Variants in KIF6 observed in about 807,000 individuals in gnomAD.
The protein encoded by KIF6 is kinesin family member 6, also known as kinesin-like protein KIF6.
In KIF6, 106 loss-of-function variants were observed where a neutral mutation model predicts 112.7. That is an observed-to-expected ratio of 0.94 (90% CI 0.80 to 1.11). The LOEUF (loss-of-function observed/expected upper bound fraction) is 1.11. Among genes scored for constraint, KIF6 ranks in the 50% least tolerant of loss-of-function variants. The pLI is 0.00. For missense variants in KIF6, 929 were observed against 964.0 expected (o/e 0.96, Z 0.48); for synonymous variants, 339 against 339.9 (o/e 1.00, Z 0.03).
chr6:39,455,995 G>A (rs1450403993), intron 13 of KIF6, among the ~76,000 whole-genome samples: 97 of 84,138 alleles, frequency 1.2e-3, no homozygotes, highest in African/African-American at 4.3e-3. Flanking sequence ...GCAGGCCAAC[G>A]TTCAGATTCA....
intron 3 of KIF6, among the ~76,000 whole-genome samples, chr6:39,649,749 GAAAGAAAGAAAGAAAGAAAGAAAGA>G (rs869098067): frequency 1.1e-4 from 16 of 150,748 alleles, no homozygotes; most frequent in South Asian, 6.4e-4. Context: ...AAGAAAGAAA[GAAAGAAAGAAAGAAAGAAAGAAAGA>G]AAAGAAACTA....
intron 13 of KIF6, among the ~76,000 whole-genome samples, chr6:39,434,624 G>A (rs535806005): frequency 2.6e-5 from 4 of 151,892 alleles, no homozygotes; most frequent in Non-Finnish European, 5.9e-5. Flanking sequence ...CAAGAAAAGT[G>A]AACAAATATT....
chr6:39,351,092 G>C (rs1364757122), intron 19 of KIF6, among the ~76,000 whole-genome samples: 3 of 152,168 alleles, frequency 2.0e-5, no homozygotes, highest in Admixed American at 6.5e-5. Context: ...GGTGGGGGTG[G>C]GGACTCTGGG....
At chr6:39,596,336 A>G in intron 6 of KIF6, 76 bp from the exon 7 acceptor site, 1 of 1,013,388 alleles carries the variant, frequency 9.9e-7, no homozygotes, top group East Asian at 2.6e-5. Flanking sequence ...TTAAAATAAT[A>G]TTTCTAGTGA....
At chr6:39,465,835 C>T (rs1773750877) in intron 13 of KIF6, among the ~76,000 whole-genome samples, 1 of 152,190 alleles carries the variant, frequency 6.6e-6, no homozygotes, top group Non-Finnish European at 1.5e-5. Flanking sequence ...TTGCATGCCT[C>T]TGTTCTTTTT....
chr6:39,399,405 G>A (rs1362564730), intron 15 of KIF6, among the ~76,000 whole-genome samples: 6 of 152,266 alleles, frequency 3.9e-5, no homozygotes, highest in East Asian at 1.9e-4. Context: ...TGTACTGAGT[G>A]AGCTGAGCCG....
chr6:39,544,653 A>T lies in KIF6; in HGVS notation c.1328T>A (p.Val443Asp). Residue 443 changes from valine to aspartate, a missense_variant, in exon 12 of 23, where the codon GTC (valine) becomes GAC (aspartate). By Grantham distance (152) the Val-to-Asp change is radical. Around this residue, in one of 2 missense-constraint regions of KIF6, gnomAD observed 688 missense variants for 662.7 expected, o/e 1.04. Transcript: ENST00000287152. The part of the protein sequence containing the change: ...NDKKILENNT[V>D]SSESKDQDCQ... ...ATCTTGGTCTTTGCTTTCAGAGGAGACTGTATTGTTTTCAAGGATCTTCTT... is the reference window on the plus strand; with the variant it reads ...ATCTTGGTCTTTGCTTTCAGAGGAGTCTGTATTGTTTTCAAGGATCTTCTT... 1 of 1,609,318 alleles carries T rather than the reference A, an allele frequency of 6.2e-7. No individual in the cohort carries two copies. Among genetic ancestry groups the T allele is most frequent in the African/African-American group, 1.3e-5 (1 of 74,524 alleles).
chr6:39,705,367 T>C (rs564971830), intron 3 of KIF6, among the ~76,000 whole-genome samples: 244 of 152,306 alleles, frequency 1.6e-3, no homozygotes, highest in African/African-American at 5.5e-3. Context: ...TAGCGTGATT[T>C]TAGTCATTGA....
intron 3 of KIF6, among the ~76,000 whole-genome samples, chr6:39,674,345 G>C (rs1201121713): frequency 6.6e-6 from 1 of 152,214 alleles, no homozygotes; most frequent in East Asian, 1.9e-4. Context: ...CAGTCGTGTA[G>C]AAGTTGATCC....
At chr6:39,717,535 C>A (rs113860818) in intron 2 of KIF6, among the ~76,000 whole-genome samples, 6 of 152,222 alleles carry the variant, frequency 3.9e-5, no homozygotes, top group East Asian at 1.9e-4. Flanking sequence ...CCTTCACCCC[C>A]CTCATCCAGC....
At chr6:39,580,684 T>C (rs1490966629) in intron 9 of KIF6, among the ~76,000 whole-genome samples, 1 of 152,194 alleles carries the variant, frequency 6.6e-6, no homozygotes, top group Non-Finnish European at 1.5e-5. Context: ...TATTAATTCA[T>C]GTGATTAGTA....
intron 13 of KIF6, among the ~76,000 whole-genome samples, chr6:39,438,241 T>C (rs546387448): frequency 1.7e-4 from 26 of 152,238 alleles, no homozygotes; most frequent in Non-Finnish European, 3.2e-4. Context: ...CCCAAAGTAC[T>C]GGGATTACAG....
At chr6:39,544,852 G>A (rs576019298) in intron 11 of KIF6, among the ~76,000 whole-genome samples, 159 bp from the exon 12 acceptor site, 1 of 152,032 alleles carries the variant, frequency 6.6e-6, no homozygotes, top group Non-Finnish European at 1.5e-5. Flanking sequence ...TTTTTGGCTT[G>A]GCATGTTTTC....
chr6:39,528,079 T>C (rs1258765795), intron 13 of KIF6, among the ~76,000 whole-genome samples: 1 of 152,176 alleles, frequency 6.6e-6, no homozygotes, highest in African/African-American at 2.4e-5. Context: ...ACTTCTCCCA[T>C]CTAGTTGAGG....
chr6:39,355,597 G>A (rs1764608195), intron 19 of KIF6, among the ~76,000 whole-genome samples: 1 of 151,352 alleles, frequency 6.6e-6, no homozygotes, highest in African/African-American at 2.4e-5. Flanking sequence ...CCGAGTGGCT[G>A]AGATTACAGG....
intron 7 of KIF6, among the ~76,000 whole-genome samples, chr6:39,590,451 A>ATATTTTTT (rs1338373703): frequency 1.9e-3 from 159 of 84,700 alleles, no homozygotes; most frequent in African/African-American, 7.9e-3. Flanking sequence ...ATATATATAT[A>ATATTTTTT]TTTTTTTTTT....
chr6:39,440,191 T>C (rs1771830725), intron 13 of KIF6, among the ~76,000 whole-genome samples: 1 of 151,638 alleles, frequency 6.6e-6, no homozygotes, highest in Admixed American at 6.6e-5. Flanking sequence ...ACTGAAAGCA[T>C]GAGAAGGCTC....
chr6:39,689,175 T>C (rs1330867319), intron 3 of KIF6, among the ~76,000 whole-genome samples: 3 of 151,976 alleles, frequency 2.0e-5, no homozygotes, highest in African/African-American at 7.3e-5. Context: ...ATAACAAATA[T>C]GAAAATATAT....
intron 13 of KIF6, among the ~76,000 whole-genome samples, chr6:39,537,300 T>C (rs1396170075): frequency 1.3e-5 from 2 of 152,164 alleles, no homozygotes; most frequent in Non-Finnish European, 2.9e-5. Context: ...ATGACATGAT[T>C]GTATATCTAG....
Sources: allele counts gnomAD v4.1 joint callset (sites outside exome capture counted in the v4.1 genomes callset), GRCh38; gene constraint gnomAD v4.1.1; regional missense constraint gnomAD v4.1.1; transcripts MANE v1.5; gene names NCBI Gene and HGNC (gene_info 2026-07-23, HGNC 2026-07-21).